The following CD163L1 variants were observed in gnomAD, a reference collection of about 807,000 sequenced individuals.
The protein encoded by CD163L1 is scavenger receptor cysteine-rich type 1 protein M160.
In CD163L1, 124 loss-of-function variants were observed where a neutral mutation model predicts 165.4. The observed-to-expected ratio is 0.75, with a 90% CI of 0.65 to 0.87. The LOEUF is 0.87. Among genes scored for constraint, CD163L1 ranks in the 40% least tolerant of loss-of-function variants. The probability of loss-of-function intolerance (pLI) is 0.00; values close to 1 mark genes in which losing one functional copy is unlikely to be tolerated. For missense variants in CD163L1, 1,525 were observed against 1,799.9 expected (o/e 0.85, Z 2.76); for synonymous variants, 585 against 662.2 (o/e 0.88, Z 1.79).
chr12:7,337,871 T>A, the CD163L1 span, among the ~76,000 whole-genome samples: 1 of 152,224 alleles, frequency 6.6e-6, no homozygotes, highest in Non-Finnish European at 1.5e-5. Context: ...TACACACGTA[T>A]GTTTATTGCA....
intron 2 of CD163L1, chr12:7,438,952 C>T: frequency 3.7e-6 from 6 of 1,608,274 alleles, no homozygotes; most frequent in Non-Finnish European, 4.3e-6. Flanking sequence ...CGTTCTTGTT[C>T]TCTAGCTTCC....
chr12:7,409,552 C>T (rs186899511), intron 4 of CD163L1, among the ~76,000 whole-genome samples: 2 of 152,256 alleles, frequency 1.3e-5, no homozygotes, highest in East Asian at 1.9e-4. Context: ...AATCTAATGC[C>T]AGCCCTGATC....
At position 7,398,719 on chromosome 12, in the gene CD163L1, G is replaced by T; in HGVS notation, c.1409-135C>A. 1.4e-6 allele frequency: 1 copy of T among 705,170 alleles called. No homozygotes were observed. Among genetic ancestry groups the T allele is most frequent in the Admixed American group, 3.9e-5 (1 of 25,818 alleles). 43.7% of individuals were successfully genotyped at this position (705,170 alleles called of 1,614,324 possible). A position where few individuals can be genotyped will look rare whatever the true frequency, so the allele number is the denominator to read the frequency against. ...TATTAGGCACACTTTTGAATGAAAA[G>T]TTTGGTTTTCTTTCTTTTGACAATT... On this transcript the variant is annotated intron_variant, in intron 6 of 19. Coordinates refer to ENST00000313599, the MANE Select transcript of CD163L1 (RefSeq NM_174941.6). The surrounding 1 kb of genome is among the most constrained non-coding windows in gnomAD (Gnocchi z 4.5).
chr12:7,385,703 A>T (rs1330286877), intron 8 of CD163L1, among the ~76,000 whole-genome samples: 1 of 152,070 alleles, frequency 6.6e-6, no homozygotes, highest in Non-Finnish European at 1.5e-5. Flanking sequence ...CAACGACAAG[A>T]TAAATTTTGG....
intron 4 of CD163L1, among the ~76,000 whole-genome samples, chr12:7,421,754 T>C (rs1948442135): frequency 7.6e-6 from 1 of 130,986 alleles, no homozygotes; most frequent in Non-Finnish European, 1.6e-5. Context: ...TGTATATATA[T>C]ATATATATAT....
rs768366642 is a variant in CD163L1 at position 7,406,705 on chromosome 12, C to A, written c.914G>T (p.Cys305Phe). 2 of 1,614,084 alleles carry A rather than the reference C, an allele frequency of 1.2e-6. No homozygotes were observed. The highest frequency in any genetic ancestry group is 1.7e-6 in the Non-Finnish European group (2 of 1,179,986). Reference sequence around the variant, plus strand: ...GCCAGCGAAGTGAAGTGCGGTTCCACATCCCAACTGCTTGCATACGACATC... The same window carrying A: ...GCCAGCGAAGTGAAGTGCGGTTCCAAATCCCAACTGCTTGCATACGACATC... ...AADVVCKQLG[C>F]GTALHFAGLP... Residue 305 changes from cysteine (C) to phenylalanine (F), a missense_variant, in exon 5 of 20, where the codon TGT becomes TTT. Coordinates refer to ENST00000313599, the MANE Select transcript of CD163L1 (RefSeq NM_174941.6).
At chr12:7,431,912 C>T (rs189823072) in intron 4 of CD163L1, among the ~76,000 whole-genome samples, 113 of 152,150 alleles carry the variant, frequency 7.4e-4, no homozygotes, top group Middle Eastern at 3.4e-3. Flanking sequence ...TCGTAGCACA[C>T]GGATATATGT....
chr12:7,324,703 T>C, the CD163L1 span: 2 of 1,211,724 alleles, frequency 1.7e-6, no homozygotes, highest in Admixed American at 4.4e-5. Flanking sequence ...TTAATTCTCG[T>C]TATGAAGCAT....
intron 4 of CD163L1, among the ~76,000 whole-genome samples, chr12:7,408,020 A>G (rs1271507589): frequency 6.6e-6 from 1 of 152,006 alleles, no homozygotes; most frequent in East Asian, 1.9e-4. Context: ...CACAGATTCT[A>G]AAGGCCAACT....
At chr12:7,395,596 TA>T (rs746173466) in intron 8 of CD163L1, among the ~76,000 whole-genome samples, 180 of 152,020 alleles carry the variant, frequency 1.2e-3, no homozygotes, top group African/African-American at 3.9e-3. Context: ...AGTATAATAA[TA>T]AAAAAAATTA....
chr12:7,322,521 G>A, the CD163L1 span: 96 of 1,613,634 alleles, frequency 5.9e-5, no homozygotes, highest in Non-Finnish European at 8.1e-5. Flanking sequence ...GCTATATGAG[G>A]GCTATGGACA....
At chr12:7,327,227 C>T in the CD163L1 span, 54 of 1,172,926 alleles carry the variant, frequency 4.6e-5, no homozygotes, top group African/African-American at 7.0e-4. Context: ...TTTGTTTAAC[C>T]CTAAGAATTT....
the CD163L1 span, chr12:7,328,619 A>T: frequency 4.0e-6 from 1 of 247,994 alleles, no homozygotes; most frequent in Non-Finnish European, 7.8e-6. Context: ...TGTAGTGTTT[A>T]AAATAGCAGG....
chr12:7,401,992 A>C (rs1031052285), intron 6 of CD163L1, among the ~76,000 whole-genome samples: 2 of 152,096 alleles, frequency 1.3e-5, no homozygotes, highest in Non-Finnish European at 2.9e-5. Flanking sequence ...AATTGATCAC[A>C]CTAAATGTGA....
the CD163L1 span, among the ~76,000 whole-genome samples, chr12:7,321,020 C>T: frequency 2.6e-5 from 4 of 152,158 alleles, no homozygotes; most frequent in African/African-American, 4.8e-5. Flanking sequence ...GCACCTCCTC[C>T]TCCCCATTTG....
At position 7,372,756 on chromosome 12, in the gene CD163L1, GT is replaced by G; in HGVS notation, c.3730+563del. ...TAATAGTTAATGTTTCTGAATATTA[GT>G]AATGGTTATTTTTGATAATCAGATT... On this transcript the variant is annotated intron_variant, in intron 14 of 19. Transcript: ENST00000313599. The surrounding 1 kb of genome is among the most constrained non-coding windows in gnomAD (Gnocchi z 4.2). 6.6e-6 allele frequency among the ~76,000 whole-genome samples: 1 copy of G among 151,852 alleles called. No homozygotes were observed. Among genetic ancestry groups the G allele is most frequent in the African/African-American group, 2.4e-5 (1 of 41,486 alleles).
chr12:7,439,035 C>T, intron 2 of CD163L1: 1 of 1,605,348 alleles, frequency 6.2e-7, no homozygotes, highest in Non-Finnish European at 8.5e-7. Flanking sequence ...GTATCCTCCT[C>T]AGCACTCATG....
intron 4 of CD163L1, among the ~76,000 whole-genome samples, chr12:7,424,176 C>A (rs910335851): frequency 2.0e-5 from 3 of 151,814 alleles, no homozygotes; most frequent in African/African-American, 7.3e-5. Flanking sequence ...GTTCAACATA[C>A]ACAAATCAAT....
intron 4 of CD163L1, among the ~76,000 whole-genome samples, chr12:7,424,204 TA>T (rs1263891972): frequency 6.6e-6 from 1 of 151,526 alleles, no homozygotes; most frequent in Non-Finnish European, 1.5e-5. Context: ...ATCCATCACA[TA>T]AACAGAACCA....
Sources: allele counts gnomAD v4.1 joint callset (sites outside exome capture counted in the v4.1 genomes callset), GRCh38; gene constraint gnomAD v4.1.1; non-coding constraint Gnocchi (gnomAD v3.1); transcripts MANE v1.5; gene names NCBI Gene and HGNC (gene_info 2026-07-23, HGNC 2026-07-21).